Variants in CHRM3 observed in about 807,000 individuals in gnomAD.
CHRM3 encodes cholinergic receptor muscarinic 3.
A neutral mutation model predicts 41.8 loss-of-function variants in CHRM3; 11 were observed. The observed-to-expected ratio is 0.26, with a 90% CI of 0.17 to 0.44. CHRM3 has a LOEUF of 0.44. Among genes scored for constraint, CHRM3 ranks in the 20% least tolerant of loss-of-function variants. The probability of loss-of-function intolerance (pLI) is 1.00; values close to 1 mark genes in which losing one functional copy is unlikely to be tolerated. For missense variants in CHRM3, 571 were observed against 745.4 expected (o/e 0.77, Z 2.72); for synonymous variants, 297 against 301.4 (o/e 0.99, Z 0.15).
chr1:239,676,803 G>A (rs887787875), intron 4 of CHRM3, among the ~76,000 whole-genome samples: 4 of 152,138 alleles, frequency 2.6e-5, no homozygotes, highest in Non-Finnish European at 2.9e-5. Flanking sequence ...AAATGATTTC[G>A]GGACGAGTTT....
chr1:239,776,080 T>G (rs1668061258), intron 5 of CHRM3, among the ~76,000 whole-genome samples: 1 of 152,226 alleles, frequency 6.6e-6, no homozygotes, highest in Non-Finnish European at 1.5e-5. Context: ...TCTCTTTGCT[T>G]TCTTTGTGTT....
At chr1:239,476,147 A>G (rs895043621) in intron 1 of CHRM3, among the ~76,000 whole-genome samples, 11 of 152,134 alleles carry the variant, frequency 7.2e-5, no homozygotes, top group Admixed American at 6.5e-4. Flanking sequence ...ATACTGCCAC[A>G]TGGGCCTGCA....
intron 4 of CHRM3, among the ~76,000 whole-genome samples, chr1:239,647,893 T>G (rs997258373): frequency 2.6e-5 from 4 of 152,266 alleles, no homozygotes; most frequent in African/African-American, 9.6e-5. Context: ...GTCTCTCAGT[T>G]TTCTTATCTA....
intron 4 of CHRM3, among the ~76,000 whole-genome samples, chr1:239,637,540 T>C (rs2148899487): frequency 1.1e-5 from 1 of 90,380 alleles, no homozygotes; most frequent in Admixed American, 1.3e-4. Context: ...TTTTTTTTTT[T>C]TGGTGAAATG....
chr1:239,601,644 C>T (rs530745291), intron 3 of CHRM3, among the ~76,000 whole-genome samples: 1 of 151,940 alleles, frequency 6.6e-6, no homozygotes, highest in African/African-American at 2.4e-5. Context: ...GTAGGAAATA[C>T]TCTGACAAAC....
At chr1:239,601,728 T>C (rs1021900273) in intron 3 of CHRM3, among the ~76,000 whole-genome samples, 6 of 152,174 alleles carry the variant, frequency 3.9e-5, no homozygotes, top group Non-Finnish European at 5.9e-5. Context: ...GGATAAATGG[T>C]GGCTCTTGCT....
rs190867543 is a variant in CHRM3 at position 239,420,514 on chromosome 1, T to A, written c.-521+33287T>A. On this transcript the variant is annotated intron_variant, in intron 1 of 6. Coordinates refer to ENST00000676153, the MANE Select transcript of CHRM3 (RefSeq NM_001375978.1). ...GAGAACCACTGAGCTAGATGTTCCTTGAGTTTTTGCAAACTTAAGAGTGTC... is the reference window on the plus strand; with the variant it reads ...GAGAACCACTGAGCTAGATGTTCCTAGAGTTTTTGCAAACTTAAGAGTGTC... Among the ~76,000 whole-genome samples the A allele has an allele frequency of 1.8e-3, 268 of 152,328 alleles. 1 individual carries two copies. The highest frequency in any genetic ancestry group is 6.1e-3 in the African/African-American group (253 of 41,572).
chr1:239,570,302 CTG>C (rs1166275216), intron 3 of CHRM3, among the ~76,000 whole-genome samples: 1 of 152,172 alleles, frequency 6.6e-6, no homozygotes, highest in Non-Finnish European at 1.5e-5. Flanking sequence ...ACTGCCATGA[CTG>C]TAAGTTTCCT....
chr1:239,500,827 A>C (rs1668193321), intron 2 of CHRM3, among the ~76,000 whole-genome samples: 2 of 152,184 alleles, frequency 1.3e-5, no homozygotes, highest in Admixed American at 6.6e-5. Flanking sequence ...CACTTAAAAG[A>C]TACAGAAACA....
chr1:239,707,716 A>G (rs1661334923), intron 5 of CHRM3: 1 of 152,152 alleles, frequency 6.6e-6, no homozygotes, highest in African/African-American at 2.4e-5. Context: ...TCCAGTAGAC[A>G]TTTTCTGGGC....
At chr1:239,605,065 A>G (rs2148711126) in intron 3 of CHRM3, among the ~76,000 whole-genome samples, 1 of 152,292 alleles carries the variant, frequency 6.6e-6, no homozygotes, top group Non-Finnish European at 1.5e-5. Context: ...GAGAAATTTG[A>G]TTCAATATTA....
rs377398315 is a variant in CHRM3 at position 239,534,245 on chromosome 1, G to A, written c.-421-11396G>A. 4.1e-4 allele frequency among the ~76,000 whole-genome samples: 63 copies of A among 152,306 alleles called. 2 individuals carry two copies. The South Asian group carries it at 0.013, about 31-fold the overall frequency. On this transcript the variant is annotated intron_variant, in intron 2 of 6. Coordinates refer to ENST00000676153, the MANE Select transcript of CHRM3 (RefSeq NM_001375978.1). ...TGGGAAACAGGCACAAGAATTGCTT[G>A]AACCCGGGAGGCAGAAGTTGCAGTG...
chr1:239,524,307 C>T (rs995367692), intron 2 of CHRM3, among the ~76,000 whole-genome samples: 1 of 152,136 alleles, frequency 6.6e-6, no homozygotes, highest in African/African-American at 2.4e-5. Context: ...CTCAAGAAGA[C>T]AGTTCCTTGT....
At chr1:239,775,255 G>GT (rs1668001145) in intron 5 of CHRM3, among the ~76,000 whole-genome samples, 1 of 152,016 alleles carries the variant, frequency 6.6e-6, no homozygotes, top group African/African-American at 2.4e-5. Context: ...TTAATAATAA[G>GT]TTATACTTAT....
intron 1 of CHRM3, among the ~76,000 whole-genome samples, chr1:239,401,657 A>T (rs1659986331): frequency 6.6e-6 from 1 of 151,754 alleles, no homozygotes; most frequent in African/African-American, 2.4e-5. Flanking sequence ...CACCCAGCTA[A>T]TTTTTTTGTA....
intron 6 of CHRM3, among the ~76,000 whole-genome samples, chr1:239,880,911 A>G (rs895861967): frequency 7.2e-5 from 11 of 152,218 alleles, no homozygotes; most frequent in African/African-American, 2.7e-4. Context: ...AAGAAGAAAC[A>G]GCAGCAATCT....
intron 4 of CHRM3, among the ~76,000 whole-genome samples, chr1:239,654,167 A>G (rs1281954469): frequency 6.6e-6 from 1 of 151,914 alleles, no homozygotes; most frequent in African/African-American, 2.4e-5. Flanking sequence ...TGGGGGTCTC[A>G]CTACGTTACT....
intron 5 of CHRM3, among the ~76,000 whole-genome samples, chr1:239,679,561 A>G (rs548136702): frequency 6.6e-6 from 1 of 152,272 alleles, no homozygotes; most frequent in African/African-American, 2.4e-5. Flanking sequence ...TTAGAGATGT[A>G]TGAAGTAATT....
Position 239,908,466 on chromosome 1 carries a change from A to G in CHRM3, c.1015A>G (p.Asn339Asp). 2 of 1,612,768 alleles carry G rather than the reference A, an allele frequency of 1.2e-6. No homozygotes were observed. Among genetic ancestry groups the G allele is most frequent in the Non-Finnish European group, 1.7e-6 (2 of 1,179,394 alleles). ...CCACAGCAGCAGTGACAGTTGGAACAACAATGATGCTGCTGCCTCCCTGGA... is the reference window on the plus strand; with the variant it reads ...CCACAGCAGCAGTGACAGTTGGAACGACAATGATGCTGCTGCCTCCCTGGA... Reference protein sequence around the residue: ...QDHSSSDSWNNNDAAASLENS... With the variant: ...QDHSSSDSWNDNDAAASLENS... Residue 339 changes from asparagine (N) to aspartate (D), a missense_variant, in exon 7 of 7, where the codon AAC becomes GAC. By Grantham distance (23) the Asn-to-Asp change is conservative. Around this residue, in one of 5 missense-constraint regions of CHRM3, gnomAD observed 239 missense variants for 239.6 expected, o/e 1.00. Transcript: ENST00000676153. The surrounding 1 kb of genome is among the most constrained non-coding windows in gnomAD (Gnocchi z 7.2).
Sources: allele counts gnomAD v4.1 joint callset (sites outside exome capture counted in the v4.1 genomes callset), GRCh38; gene constraint gnomAD v4.1.1; regional missense constraint gnomAD v4.1.1; non-coding constraint Gnocchi (gnomAD v3.1); transcripts MANE v1.5; gene names NCBI Gene and HGNC (gene_info 2026-07-23, HGNC 2026-07-21).